The following CAMTA1 variants were observed in gnomAD, a reference collection of about 807,000 sequenced individuals.
CAMTA1 encodes calmodulin binding transcription activator 1, also known as calmodulin-binding transcription activator 1.
CAMTA1 carries 27 observed loss-of-function variants against 170.9 expected under a neutral mutation model. The ratio of observed to expected loss-of-function variants is 0.16; its 90% confidence interval spans 0.12 to 0.22. CAMTA1 has a LOEUF of 0.22. CAMTA1 is among the 10% of genes least tolerant of loss of function. The pLI is 1.00. For missense variants in CAMTA1, 1,619 were observed against 2,217.2 expected, an observed-to-expected ratio of 0.73 and a Z score of 5.42; for synonymous variants, 833 against 891.5, an observed-to-expected ratio of 0.93 and a Z score of 1.17.
chr1:6,957,552 C>T (rs189527710), intron 3 of CAMTA1, among the ~76,000 whole-genome samples: 31 of 151,070 alleles, frequency 2.1e-4, no homozygotes, highest in African/African-American at 6.4e-4. Flanking sequence ...CTTCCTCCGT[C>T]GTCAAAGCCA....
At chr1:7,746,251 A>C (rs1428166488) in intron 18 of CAMTA1, among the ~76,000 whole-genome samples, 160 bp downstream of exon 18, 1 of 152,202 alleles carries the variant, frequency 6.6e-6, no homozygotes, top group Admixed American at 6.5e-5. Context: ...TCACTATATA[A>C]CATATCTGTG....
At chr1:6,979,357 G>A (rs1694031611) in intron 3 of CAMTA1, among the ~76,000 whole-genome samples, 1 of 152,156 alleles carries the variant, frequency 6.6e-6, no homozygotes, top group African/African-American at 2.4e-5. Flanking sequence ...CCCAGTCAGG[G>A]CCATTCAATT....
chr1:7,504,363 T>A (rs1057013901), intron 6 of CAMTA1, among the ~76,000 whole-genome samples: 2 of 152,240 alleles, frequency 1.3e-5, no homozygotes, highest in African/African-American at 4.8e-5. Flanking sequence ...CCAGCTGTCC[T>A]GCCCCCTTGC....
At chr1:7,523,925 G>A (rs1041942605) in intron 6 of CAMTA1, among the ~76,000 whole-genome samples, 1 of 151,122 alleles carries the variant, frequency 6.6e-6, no homozygotes, top group Non-Finnish European at 1.5e-5. Flanking sequence ...TTTCTTGGCC[G>A]GGTGCAGTGG....
At position 7,767,377 on chromosome 1, in the gene CAMTA1, G is replaced by T. The variant is rs766597344; in HGVS notation, c.*886G>T. ...GCCTTTTTTAGTAACCTTGGAAGCT[G>T]TAGTAATTCTAAGGAATCATGAACC... is the stretch of plus-strand genomic sequence containing the variant. On this transcript the variant is annotated 3_prime_UTR_variant, in exon 23 of 23. Coordinates refer to ENST00000303635, the MANE Select transcript of CAMTA1 (RefSeq NM_015215.4). 5.2e-5 allele frequency: 8 copies of T among 152,732 alleles called. No homozygotes were observed. Among genetic ancestry groups the T allele is most frequent in the Non-Finnish European group, 1.0e-4 (7 of 68,036 alleles). The allele number at this position is 152,732 out of a possible 1,614,324, so 9.5% of individuals were successfully genotyped here. A position where few individuals can be genotyped will look rare whatever the true frequency, so the allele number is the denominator to read the frequency against.
intron 5 of CAMTA1, among the ~76,000 whole-genome samples, chr1:7,297,023 G>A (rs562463283): frequency 3.0e-4 from 46 of 152,206 alleles, no homozygotes; most frequent in Non-Finnish European, 5.7e-4. Context: ...AATGCTTGGT[G>A]AGAGGGGATG....
At chr1:7,714,986 C>T (rs2096598180) in intron 11 of CAMTA1, among the ~76,000 whole-genome samples, 1 of 152,188 alleles carries the variant, frequency 6.6e-6, no homozygotes, top group African/African-American at 2.4e-5. Flanking sequence ...CACATTTCAC[C>T]ATTTTGGAGG....
chr1:7,035,955 GA>G (rs977703391), intron 3 of CAMTA1, among the ~76,000 whole-genome samples: 6 of 152,024 alleles, frequency 3.9e-5, no homozygotes, highest in African/African-American at 9.7e-5. Context: ...ATTCAGTGGG[GA>G]AAAAAACAAG....
At chr1:7,611,919 G>A (rs1010356577) in intron 6 of CAMTA1, among the ~76,000 whole-genome samples, 1 of 152,358 alleles carries the variant, frequency 6.6e-6, no homozygotes, top group Non-Finnish European at 1.5e-5. Context: ...GACTTGCAAC[G>A]GGGTATGGCT....
intron 3 of CAMTA1, among the ~76,000 whole-genome samples, chr1:7,002,644 C>T (rs1013601096): frequency 6.6e-6 from 1 of 152,228 alleles, no homozygotes. Context: ...TATCATATCG[C>T]TCCATCCTTT....
intron 5 of CAMTA1, among the ~76,000 whole-genome samples, chr1:7,409,479 C>T (rs541827645): frequency 5.1e-4 from 77 of 152,334 alleles, no homozygotes; most frequent in Non-Finnish European, 6.8e-4. Flanking sequence ...ATGAGACCCA[C>T]GCCCCGCCCT....
rs138236153 is a variant in CAMTA1 at position 7,703,240 on chromosome 1, A to G, written c.2914+25507A>G. ...ATGCATAGGAGTCTCCCTAGCAGATAAAGGGGAGGAGTTGCATAGCAAAGG... is the reference window on the plus strand; with the variant it reads ...ATGCATAGGAGTCTCCCTAGCAGATGAAGGGGAGGAGTTGCATAGCAAAGG... On this transcript the variant is annotated intron_variant, in intron 11 of 22. Coordinates refer to ENST00000303635, the MANE Select transcript of CAMTA1 (RefSeq NM_015215.4). 6.6e-3 allele frequency among the ~76,000 whole-genome samples: 1,004 copies of G among 152,156 alleles called. 6 individuals are homozygous for G. Among genetic ancestry groups the G allele is most frequent in the African/African-American group, 0.022 (920 of 41,506 alleles).
intron 6 of CAMTA1, among the ~76,000 whole-genome samples, chr1:7,528,612 C>T (rs1419797475): frequency 6.6e-6 from 1 of 151,952 alleles, no homozygotes. Flanking sequence ...CTGGGATGTG[C>T]CCTCACAGTG....
intron 5 of CAMTA1, among the ~76,000 whole-genome samples, chr1:7,341,394 G>T (rs1037809866): frequency 1.3e-5 from 2 of 152,260 alleles, no homozygotes; most frequent in Non-Finnish European, 2.9e-5. Flanking sequence ...TGAGACACCC[G>T]CCAGGAGGTG....
At chr1:6,972,593 G>C (rs1330085033) in intron 3 of CAMTA1, among the ~76,000 whole-genome samples, 1 of 152,120 alleles carries the variant, frequency 6.6e-6, no homozygotes, top group Non-Finnish European at 1.5e-5. Flanking sequence ...CCAGGAGAAT[G>C]GTGTTGAGGC....
chr1:6,793,045 CTT>C (rs1491348495), intron 1 of CAMTA1, among the ~76,000 whole-genome samples: 1 of 151,982 alleles, frequency 6.6e-6, no homozygotes, highest in Non-Finnish European at 1.5e-5. Context: ...ATACCCCACT[CTT>C]ATATATATAT....
chr1:7,023,433 C>T (rs940133990), intron 3 of CAMTA1, among the ~76,000 whole-genome samples: 3 of 152,272 alleles, frequency 2.0e-5, no homozygotes, highest in South Asian at 2.1e-4. Flanking sequence ...TTGACCACCA[C>T]GGGAGATAAT....
At chr1:7,368,056 C>A (rs2086130808) in intron 5 of CAMTA1, among the ~76,000 whole-genome samples, 1 of 151,162 alleles carries the variant, frequency 6.6e-6, no homozygotes, top group Non-Finnish European at 1.5e-5. Context: ...CTCATGGTTT[C>A]ATTGGGCGCA....
chr1:6,981,377 T>C (rs1694413595), intron 3 of CAMTA1, among the ~76,000 whole-genome samples: 1 of 152,216 alleles, frequency 6.6e-6, no homozygotes, highest in Admixed American at 6.5e-5. Context: ...TACTTATGTA[T>C]TTTTACATAG....
Sources: allele counts gnomAD v4.1 joint callset (sites outside exome capture counted in the v4.1 genomes callset), GRCh38; gene constraint gnomAD v4.1.1; transcripts MANE v1.5; gene names NCBI Gene and HGNC (gene_info 2026-07-23, HGNC 2026-07-21).